The following VAV1 variants were observed in gnomAD, a reference collection of about 807,000 sequenced individuals.
The protein encoded by VAV1 is vav guanine nucleotide exchange factor 1, also known as proto-oncogene vav.
Under a neutral mutation model 128.1 loss-of-function variants are expected in VAV1, and 33 were observed. The observed-to-expected ratio is 0.26, with a 90% CI of 0.20 to 0.34. VAV1 has a LOEUF of 0.34. Among genes scored for constraint, VAV1 ranks in the 10% least tolerant of loss-of-function variants. The probability of loss-of-function intolerance (pLI) is 1.00; values close to 1 mark genes in which losing one functional copy is unlikely to be tolerated. For synonymous variants in VAV1, 394 were observed against 409.8 expected (o/e 0.96, Z 0.47); for missense variants, 715 against 1,093.7 (o/e 0.65, Z 4.88).
At chr19:6,806,047 T>C (rs938902089) in intron 1 of VAV1, among the ~76,000 whole-genome samples, 4 of 152,168 alleles carry the variant, frequency 2.6e-5, no homozygotes, top group African/African-American at 9.7e-5. Flanking sequence ...CAACAAACCA[T>C]GACCTGTGGG....
chr19:6,853,868 G>A, intron 25 of VAV1, 79 bp from the exon 26 acceptor site: 1 of 1,554,228 alleles, frequency 6.4e-7, no homozygotes, highest in Admixed American at 1.8e-5. Flanking sequence ...TGGAGTTACT[G>A]TCCTGAGAGC....
chr19:6,787,125 C>T (rs1303297431), intron 1 of VAV1, among the ~76,000 whole-genome samples: 1 of 150,772 alleles, frequency 6.6e-6, no homozygotes, highest in South Asian at 2.1e-4. Context: ...TCTCAGGACA[C>T]CTCCTCCCCA....
intron 1 of VAV1, among the ~76,000 whole-genome samples, chr19:6,800,887 A>G (rs1971253148): frequency 6.6e-6 from 1 of 151,964 alleles, no homozygotes; most frequent in Non-Finnish European, 1.5e-5. Context: ...TCAGCCTCCC[A>G]AAGTGCTGGG....
At position 6,813,834 on chromosome 19, in the gene VAV1, A is replaced by C. The variant is rs560039020; in HGVS notation, c.205-6868A>C. ...TTTGAGAGCCTGTGGTGGGAGAGTC[A>C]CTTGAGGCCAGGAGTTGAAGACCAG... On this transcript the variant is annotated intron_variant, in intron 1 of 26. Transcript: ENST00000602142. 1.5e-3 allele frequency among the ~76,000 whole-genome samples: 235 copies of C among 152,210 alleles called. 1 individual carries two copies. Among genetic ancestry groups the C allele is most frequent in the Non-Finnish European group, 2.7e-3 (182 of 68,004 alleles).
chr19:6,790,425 T>C (rs946419382), intron 1 of VAV1, among the ~76,000 whole-genome samples: 3 of 152,186 alleles, frequency 2.0e-5, no homozygotes, highest in Non-Finnish European at 4.4e-5. Flanking sequence ...ACATTTATTC[T>C]CTCATAATCC....
chr19:6,830,866 T>C (rs934640961), intron 14 of VAV1, among the ~76,000 whole-genome samples: 4 of 152,022 alleles, frequency 2.6e-5, no homozygotes, highest in Admixed American at 2.0e-4. Flanking sequence ...GGTGGGAGAA[T>C]TGCTTGAGCC....
In VAV1 at chr19:6,843,149, C is replaced by T. The variant is rs776439714; in HGVS notation, c.1995C>T (p.Asp665=). The change falls in exon 22 of 27, where the codon GAC becomes GAT. Residue 665 remains aspartate (D), a synonymous_variant. Transcript: ENST00000602142. ...TGTATTCTTAGGGCCCTCCTCAGGA[C>T]CTGTCTGTTCATCTCTGGTGAGTAG... The part of the protein sequence containing the change: ...VKPYVHGPPQ[D]LSVHLWYAGP... 1.5e-5 allele frequency: 25 copies of T among 1,614,124 alleles called. No homozygotes were observed. Among genetic ancestry groups the T allele is most frequent in the Non-Finnish European group, 2.1e-5 (25 of 1,180,010 alleles).
At chr19:6,800,874 G>A (rs1225893647) in intron 1 of VAV1, among the ~76,000 whole-genome samples, 14 of 149,934 alleles carry the variant, frequency 9.3e-5, no homozygotes, top group African/African-American at 1.5e-4. Flanking sequence ...TGATCCGCCC[G>A]CCTCAGCCTC....
chr19:6,823,737 C>G (rs1483706870), intron 6 of VAV1, among the ~76,000 whole-genome samples: 1 of 152,016 alleles, frequency 6.6e-6, no homozygotes, highest in African/African-American at 2.4e-5. Flanking sequence ...TTATCCCAGG[C>G]TCAGTCTTTT....
chr19:6,831,099 G>A (rs1053038706), intron 14 of VAV1, among the ~76,000 whole-genome samples: 1 of 152,008 alleles, frequency 6.6e-6, no homozygotes, highest in African/African-American at 2.4e-5. Context: ...AAAAATAAAT[G>A]AATGAAACAG....
intron 1 of VAV1, among the ~76,000 whole-genome samples, chr19:6,794,030 A>AT (rs1426316266): frequency 6.8e-5 from 10 of 147,350 alleles, no homozygotes; most frequent in Middle Eastern, 3.6e-3. Context: ...TTACCAATAA[A>AT]CCAACGGTAA....
chr19:6,788,986 T>C (rs558361152), intron 1 of VAV1, among the ~76,000 whole-genome samples: 1 of 152,244 alleles, frequency 6.6e-6, no homozygotes, highest in Non-Finnish European at 1.5e-5. Context: ...GGAGCTGCCC[T>C]GTGTATTCTA....
intron 1 of VAV1, among the ~76,000 whole-genome samples, chr19:6,794,922 G>A (rs1971096884): frequency 1.3e-5 from 2 of 152,124 alleles, no homozygotes; most frequent in Admixed American, 1.3e-4. Flanking sequence ...GTCACATGAT[G>A]GGTGTCTGGG....
rs1196572531 is a variant in VAV1 at position 6,853,983 on chromosome 19, G to A, written c.2369G>A (p.Arg790His). 3.7e-6 allele frequency: 6 copies of A among 1,613,442 alleles called. No homozygotes were observed. Among genetic ancestry groups the A allele is most frequent in the Admixed American group, 3.3e-5 (2 of 60,022 alleles). Residue 790 changes from arginine (R) to histidine (H), a missense_variant, in exon 26 of 27, where the codon CGC (arginine) becomes CAC (histidine). Coordinates refer to ENST00000602142, the MANE Select transcript of VAV1 (RefSeq NM_005428.4). ...STKYFGTAKA[R>H]YDFCARDRSE... Reference sequence around the variant, plus strand: ...AAGTATTTTGGCACAGCCAAAGCCCGCTATGACTTCTGCGCCCGAGACCGA... The same window carrying A: ...AAGTATTTTGGCACAGCCAAAGCCCACTATGACTTCTGCGCCCGAGACCGA...
At chr19:6,832,053 G>A (rs747040293) in intron 14 of VAV1, 38 bp from the exon 15 acceptor site, 2 of 1,602,078 alleles carry the variant, frequency 1.2e-6, no homozygotes, top group South Asian at 2.2e-5. Flanking sequence ...ACCCTCTGCG[G>A]GGGCAGTGCC....
rs150761537 is a variant in VAV1, at chr19:6,845,962, T to C, written c.2013-2036T>C. On this transcript the variant is annotated intron_variant, in intron 22 of 26. Transcript: ENST00000602142. ...TTTATATTGCACATTTATGTTTATA[T>C]ATCATATGCGTTATATAATATACTA... Among the ~76,000 whole-genome samples, 133 of 148,816 alleles carry C rather than the reference T, an allele frequency of 8.9e-4. No individual in the cohort carries two copies. In the Middle Eastern group the frequency reaches 0.014, roughly 15 times the overall value.
At chr19:6,853,619 G>T (rs111857358) in intron 25 of VAV1, among the ~76,000 whole-genome samples, 5,858 of 151,472 alleles carry the variant, frequency 0.039, 410 homozygotes, top group African/African-American at 0.13. Flanking sequence ...TAATCCCCGT[G>T]ATTCAGGAGG....
At chr19:6,773,137 T>C (rs1970539847) in intron 1 of VAV1, 126 bp downstream of exon 1, 1 of 1,289,432 alleles carries the variant, frequency 7.8e-7, no homozygotes, top group East Asian at 2.4e-5. Flanking sequence ...TGCTTACAGG[T>C]CCAGGGCTGG....
At chr19:6,852,488 G>A (rs1022764082) in intron 24 of VAV1, among the ~76,000 whole-genome samples, 2 of 152,166 alleles carry the variant, frequency 1.3e-5, no homozygotes. Flanking sequence ...TTGGGAGGCC[G>A]AGGCAGGCGG....
Sources: allele counts gnomAD v4.1 joint callset (sites outside exome capture counted in the v4.1 genomes callset), GRCh38; gene constraint gnomAD v4.1.1; transcripts MANE v1.5; gene names NCBI Gene and HGNC (gene_info 2026-07-23, HGNC 2026-07-21).